CD2AP: variants seen among roughly 807,000 people sequenced by gnomAD.
CD2AP encodes the protein CD2-associated protein.
In CD2AP, 46 loss-of-function variants were observed where a neutral mutation model predicts 85.1. That is an observed-to-expected ratio of 0.54 (90% confidence interval 0.43 to 0.69). The LOEUF is 0.69. Ranked by LOEUF, CD2AP falls within the 30% of genes least tolerant of loss-of-function variation. The pLI is 0.00. For missense variants in CD2AP, 769 were observed against 729.5 expected (o/e 1.05, Z -0.62); for synonymous variants, 255 against 252.9 (o/e 1.01, Z -0.08).
intron 5 of CD2AP, among the ~76,000 whole-genome samples, chr6:47,565,224 G>C (rs1044749499): frequency 1.3e-5 from 2 of 152,052 alleles, no homozygotes; most frequent in African/African-American, 4.8e-5. Flanking sequence ...GTTACTGAGT[G>C]GTTTCTATAT....
At chr6:47,508,646 A>G (rs568769570) in intron 2 of CD2AP, among the ~76,000 whole-genome samples, 1 of 150,764 alleles carries the variant, frequency 6.6e-6, no homozygotes, top group East Asian at 2.0e-4. Flanking sequence ...CCCAGGTTCA[A>G]GTGATTCTCC....
chr6:47,505,929 G>A (rs1766149643), intron 2 of CD2AP, among the ~76,000 whole-genome samples: 1 of 105,984 alleles, frequency 9.4e-6, no homozygotes, highest in Non-Finnish European at 2.0e-5. Context: ...CCCGGACGGG[G>A]TGGCTGCCGG....
chr6:47,511,413 C>G (rs907805780), intron 2 of CD2AP, among the ~76,000 whole-genome samples: 3 of 152,138 alleles, frequency 2.0e-5, no homozygotes, highest in Non-Finnish European at 4.4e-5. Flanking sequence ...GACATAATAA[C>G]CAAATACATT....
At chr6:47,579,063 A>G (rs1010036801) in intron 8 of CD2AP, among the ~76,000 whole-genome samples, 3 of 152,292 alleles carry the variant, frequency 2.0e-5, no homozygotes, top group East Asian at 1.9e-4. Flanking sequence ...AACTGCTGCT[A>G]AAAGTAATAC....
intron 2 of CD2AP, among the ~76,000 whole-genome samples, chr6:47,530,023 G>T (rs182825888): frequency 6.6e-6 from 1 of 152,164 alleles, no homozygotes; most frequent in Non-Finnish European, 1.5e-5. Context: ...TCTTCCTATT[G>T]CCTTCTCTGT....
rs191107478 is a variant in CD2AP, at chr6:47,508,108, G to A, written c.165+4668G>A. ...GCAATGACTTCCACTTAAATTACCA[G>A]CTGCATTAGTCCCTAGCAAGAGAGT... On this transcript the variant is annotated intron_variant, in intron 2 of 17. Transcript: ENST00000359314. Among the ~76,000 whole-genome samples, 22 of 152,304 alleles carry A rather than the reference G, an allele frequency of 1.4e-4. No individual in the cohort carries two copies. The East Asian group carries it at 4.2e-3, about 29-fold the overall frequency.
At position 47,503,340 on chromosome 6, in the gene CD2AP, T is replaced by C. The variant is rs1766046994; in HGVS notation, c.65T>C (p.Val22Ala). ...AVHDDELTIRVGEIIRNVKKL... is the reference protein window; with the variant it reads ...AVHDDELTIRAGEIIRNVKKL... ...CATGATGATGAATTAACTATTCGAG[T>C]TGGAGAAATCATCAGGAATGTGAAA... Residue 22 changes from valine to alanine, a missense_variant, in exon 2 of 18, where the codon GTT becomes GCT. Transcript: ENST00000359314. The C allele has an allele frequency of 1.2e-6, 2 of 1,613,582 alleles. No homozygotes were observed. Among genetic ancestry groups the C allele is most frequent in the Non-Finnish European group, 1.7e-6 (2 of 1,179,662 alleles).
At chr6:47,482,613 T>C (rs1002308563) in intron 1 of CD2AP, among the ~76,000 whole-genome samples, 2 of 152,076 alleles carry the variant, frequency 1.3e-5, no homozygotes, top group African/African-American at 4.8e-5. Context: ...CTCCTGACCT[T>C]GTAATCTGCC....
In CD2AP at chr6:47,566,323, T is replaced by TATATATACACACAC; in HGVS notation, c.542-7740_542-7739insTATATACACACACA. ...TAGAATATATATATATATATATATA[T>TATATATACACACAC]ACACATACACATATATATATATGTA... On this transcript the variant is annotated intron_variant, in intron 5 of 17. Coordinates refer to ENST00000359314, the MANE Select transcript of CD2AP (RefSeq NM_012120.3). Among the ~76,000 whole-genome samples the TATATATACACACAC allele has an allele frequency of 3.2e-3, 342 of 108,336 alleles. 5 individuals are homozygous for TATATATACACACAC. The highest frequency in any genetic ancestry group is 9.3e-3 in the African/African-American group (320 of 34,446). The allele number at this position is 108,336 out of a possible 152,430, so 71.1% of individuals were successfully genotyped here.
At chr6:47,512,622 A>T (rs1420344130) in intron 2 of CD2AP, among the ~76,000 whole-genome samples, 1 of 152,230 alleles carries the variant, frequency 6.6e-6, no homozygotes, top group African/African-American at 2.4e-5. Flanking sequence ...TTCCAGTTTT[A>T]AAAGTATTTT....
chr6:47,616,422 A>G (rs886943052), intron 17 of CD2AP, among the ~76,000 whole-genome samples: 1 of 152,240 alleles, frequency 6.6e-6, no homozygotes, highest in Non-Finnish European at 1.5e-5. Context: ...GAAGCAACCA[A>G]TCTTCAGAAC....
At chr6:47,553,452 T>C (rs187360772) in intron 4 of CD2AP, among the ~76,000 whole-genome samples, 2 of 151,564 alleles carry the variant, frequency 1.3e-5, no homozygotes, top group Admixed American at 6.6e-5. Context: ...GTTCAACTGA[T>C]TCTCCTGCCT....
chr6:47,487,614 C>T (rs879841620), intron 1 of CD2AP, among the ~76,000 whole-genome samples: 2 of 152,056 alleles, frequency 1.3e-5, no homozygotes, highest in Non-Finnish European at 2.9e-5. Context: ...GGCATGAACC[C>T]GGGAGGTGGA....
chr6:47,557,425 A>G (rs552945851), intron 5 of CD2AP, among the ~76,000 whole-genome samples: 4 of 152,006 alleles, frequency 2.6e-5, no homozygotes, highest in African/African-American at 9.7e-5. Flanking sequence ...AATGGTATTG[A>G]CTAGGTTTTC....
chr6:47,493,904 C>A (rs1029723149), intron 1 of CD2AP, among the ~76,000 whole-genome samples: 1 of 152,028 alleles, frequency 6.6e-6, no homozygotes, highest in Non-Finnish European at 1.5e-5. Context: ...TCCAGCTTTT[C>A]CTTCTGTTTC....
intron 11 of CD2AP, among the ~76,000 whole-genome samples, chr6:47,588,720 T>C (rs2114118693): frequency 6.6e-6 from 1 of 152,256 alleles, no homozygotes; most frequent in African/African-American, 2.4e-5. Context: ...CATTCTGCCA[T>C]CCTCAGTGTA....
intron 12 of CD2AP, among the ~76,000 whole-genome samples, chr6:47,598,919 A>G (rs1303388537): frequency 6.6e-6 from 1 of 150,528 alleles, no homozygotes; most frequent in African/African-American, 2.4e-5. Flanking sequence ...AATAATCTAA[A>G]ATAATAAAAA....
chr6:47,607,011 A>G (rs557410661), intron 14 of CD2AP, among the ~76,000 whole-genome samples: 1 of 152,008 alleles, frequency 6.6e-6, no homozygotes, highest in African/African-American at 2.4e-5. Flanking sequence ...TCTGTTCTCT[A>G]TCTCCATTAG....
At chr6:47,589,532 A>G (rs1768724210) in intron 11 of CD2AP, among the ~76,000 whole-genome samples, 1 of 66,186 alleles carries the variant, frequency 1.5e-5, no homozygotes, top group Admixed American at 1.6e-4. Context: ...ACATATATAC[A>G]CATATGTACA....
Sources: gnomAD v4.1 joint callset for allele counts (sites outside exome capture counted in the v4.1 genomes callset) on GRCh38, gnomAD v4.1.1 for gene constraint, MANE v1.5 for transcripts, NCBI Gene and HGNC (gene_info 2026-07-23, HGNC 2026-07-21) for gene names.